TSHR: variants seen among roughly 807,000 people sequenced by gnomAD.
TSHR encodes thyroid stimulating hormone receptor.
Under a neutral mutation model 64.1 loss-of-function variants are expected in TSHR, and 51 were observed. That is an observed-to-expected ratio of 0.80 (90% CI 0.64 to 1.01). The LOEUF is 1.01. Among genes scored for constraint, TSHR ranks in the 50% least tolerant of loss-of-function variants. The pLI is 0.00. For synonymous variants in TSHR, 361 were observed against 361.9 expected (o/e 1.00, Z 0.03); for missense variants, 877 against 942.8 (o/e 0.93, Z 0.91).
chr14:81,107,596 C>T (rs779459419), intron 7 of TSHR, among the ~76,000 whole-genome samples: 4 of 152,074 alleles, frequency 2.6e-5, no homozygotes, highest in Admixed American at 6.5e-5. Flanking sequence ...CCCTCTAATG[C>T]CCAGTGTGTT....
chr14:80,962,137 C>T (rs544216651), intron 1 of TSHR, among the ~76,000 whole-genome samples: 1 of 152,252 alleles, frequency 6.6e-6, no homozygotes, highest in Non-Finnish European at 1.5e-5. Flanking sequence ...TAATAATAGG[C>T]CCTGACTCAC....
rs1352546424 is a variant in TSHR, at chr14:81,145,727, C to G, written c.*1374C>G. On this transcript the variant is annotated 3_prime_UTR_variant, in exon 10 of 10. Coordinates refer to ENST00000298171, the MANE Select transcript of TSHR (RefSeq NM_000369.5). ...GCCAGCTCTTTCCAGCCCTGTTGAT[C>G]ACTGGACATAAAGCTTCTTTTCCCC... 2 of 233,016 alleles carry G rather than the reference C, an allele frequency of 8.6e-6. No homozygotes were observed. Among genetic ancestry groups the G allele is most frequent in the Non-Finnish European group, 1.7e-5 (2 of 117,996 alleles). 14.4% of individuals were successfully genotyped at this position (233,016 alleles called of 1,614,324 possible).
intron 2 of TSHR, among the ~76,000 whole-genome samples, chr14:81,062,699 T>C (rs1422503747): frequency 6.6e-6 from 1 of 152,184 alleles, no homozygotes; most frequent in African/African-American, 2.4e-5. Context: ...AAAATAATTC[T>C]AAACCTTAAA....
At chr14:81,033,866 A>G (rs1462413177) in intron 1 of TSHR, among the ~76,000 whole-genome samples, 1 of 152,208 alleles carries the variant, frequency 6.6e-6, no homozygotes, top group African/African-American at 2.4e-5. Context: ...TAGGGTAGAC[A>G]AAGGAAGGAA....
chr14:80,998,293 T>C (rs1889129561), intron 1 of TSHR, among the ~76,000 whole-genome samples: 1 of 152,160 alleles, frequency 6.6e-6, no homozygotes, highest in South Asian at 2.1e-4. Flanking sequence ...TAGATTTCTT[T>C]GTTCAGATCA....
chr14:81,135,668 G>A (rs1423321277), intron 8 of TSHR, among the ~76,000 whole-genome samples: 1 of 152,168 alleles, frequency 6.6e-6, no homozygotes, highest in Non-Finnish European at 1.5e-5. Context: ...CAAGGACATC[G>A]AAGCTTCAAG....
intron 1 of TSHR, among the ~76,000 whole-genome samples, chr14:81,034,040 G>A (rs947391370): frequency 5.3e-5 from 8 of 152,166 alleles, no homozygotes; most frequent in Admixed American, 3.3e-4. Flanking sequence ...TATCGGCCTG[G>A]AGCTTCCTCT....
intron 1 of TSHR, chr14:80,994,321 G>A (rs933018842): frequency 1.3e-5 from 2 of 151,934 alleles, no homozygotes. Context: ...TAGATTCAAT[G>A]CTATTCCCAT....
intron 1 of TSHR, among the ~76,000 whole-genome samples, chr14:81,040,671 A>C (rs887998379): frequency 2.6e-5 from 4 of 152,182 alleles, no homozygotes; most frequent in African/African-American, 9.6e-5. Flanking sequence ...AATGGGATCT[A>C]AGTAAACTAA....
chr14:81,044,915 G>A (rs1885103874), intron 1 of TSHR, among the ~76,000 whole-genome samples: 2 of 152,120 alleles, frequency 1.3e-5, no homozygotes, highest in South Asian at 4.1e-4. Flanking sequence ...ACCCAAAGTA[G>A]TATAAATCAT....
In TSHR at chr14:81,028,918, G is replaced by A. The variant is rs144371636; in HGVS notation, c.171-33230G>A. Among the ~76,000 whole-genome samples, 12 of 151,894 alleles carry A rather than the reference G, an allele frequency of 7.9e-5. No homozygotes were observed. The East Asian group carries it at 2.1e-3, about 27-fold the overall frequency. On this transcript the variant is annotated intron_variant, in intron 1 of 9. Transcript: ENST00000298171. ...AATAAAATTGATAAACCTTTGGTAA[G>A]GTTGATTGAGGAAATAAAGAATCAG...
chr14:81,030,741 GA>G (rs1475257816), intron 1 of TSHR, among the ~76,000 whole-genome samples: 1 of 152,108 alleles, frequency 6.6e-6, no homozygotes, highest in Non-Finnish European at 1.5e-5. Flanking sequence ...ATTCAAACTG[GA>G]AAATCATGTG....
In TSHR at chr14:80,975,989, G is replaced by A. The variant is rs1212764418; in HGVS notation, c.170+20139G>A. ...TGCAGTGGCACAATCTTGGCTCACTGCAAGCTCCGCCTCCCGGGTTCACAC... is the reference window on the plus strand; with the variant it reads ...TGCAGTGGCACAATCTTGGCTCACTACAAGCTCCGCCTCCCGGGTTCACAC... On this transcript the variant is annotated intron_variant, in intron 1 of 9. Transcript: ENST00000298171. Among the ~76,000 whole-genome samples, 8 of 150,862 alleles carry A rather than the reference G, an allele frequency of 5.3e-5. No individual in the cohort carries two copies. In the East Asian group the frequency reaches 1.6e-3, roughly 29 times the overall value.
At chr14:81,093,401 T>C (rs1293443352) in intron 6 of TSHR, among the ~76,000 whole-genome samples, 2 of 152,364 alleles carry the variant, frequency 1.3e-5, no homozygotes, top group Middle Eastern at 3.4e-3. Context: ...TCTCATTGTG[T>C]AAGTCACAAA....
In TSHR at chr14:81,143,417, G is replaced by C; in HGVS notation, c.1359G>C (p.Met453Ile). ...AACTGAACGTCCCCCGCTTTCTCAT[G>C]TGCAACCTGGCCTTTGCGGATTTCT... Reference protein sequence around the residue: ...HYKLNVPRFLMCNLAFADFCM... With the variant: ...HYKLNVPRFLICNLAFADFCM... The change falls in exon 10 of 10, where the codon ATG becomes ATC. Residue 453 changes from methionine (M) to isoleucine (I), a missense_variant. Physicochemically the swap from Met to Ile is conservative, Grantham distance 10 (BLOSUM62 1). Transcript: ENST00000298171. 1 of 1,614,152 alleles carries C rather than the reference G, an allele frequency of 6.2e-7. No homozygotes were observed. The highest frequency in any genetic ancestry group is 1.1e-5 in the South Asian group (1 of 91,088).
chr14:81,111,579 G>A (rs996189465), intron 8 of TSHR, among the ~76,000 whole-genome samples: 4 of 152,012 alleles, frequency 2.6e-5, no homozygotes, highest in South Asian at 2.1e-4. Context: ...ACTACTTTAC[G>A]CCTCTGATCA....
intron 3 of TSHR, 69 bp from the exon 4 acceptor site, chr14:81,087,885 G>C (rs1888406029): frequency 8.2e-7 from 1 of 1,215,728 alleles, no homozygotes; most frequent in South Asian, 1.2e-5. Context: ...ACTGATTTAT[G>C]TTGTTTTGTC....
At chr14:80,988,879 ATCT>A (rs1400596280) in intron 1 of TSHR, among the ~76,000 whole-genome samples, 1 of 151,918 alleles carries the variant, frequency 6.6e-6, no homozygotes, top group Admixed American at 6.6e-5. Flanking sequence ...ACTCCCCTTG[ATCT>A]TCTTTTCTGT....
At chr14:81,086,413 C>A (rs986916061) in intron 3 of TSHR, among the ~76,000 whole-genome samples, 1 of 152,156 alleles carries the variant, frequency 6.6e-6, no homozygotes, top group South Asian at 2.1e-4. Flanking sequence ...GTTGAAAAAA[C>A]CAGAGAGTTT....
Sources: allele counts gnomAD v4.1 joint callset (sites outside exome capture counted in the v4.1 genomes callset), GRCh38; gene constraint gnomAD v4.1.1; transcripts MANE v1.5; gene names NCBI Gene and HGNC (gene_info 2026-07-23, HGNC 2026-07-21).